SSBP2: variants seen among roughly 807,000 people sequenced by gnomAD.
The protein encoded by SSBP2 is single stranded DNA binding protein 2, also known as single-stranded DNA-binding protein 2.
In SSBP2, 17 loss-of-function variants were observed where a neutral mutation model predicts 61.8. The ratio of observed to expected loss-of-function variants is 0.28; its 90% CI spans 0.19 to 0.41. The LOEUF (loss-of-function observed/expected upper bound fraction) is 0.41, where lower values mean the gene tolerates loss of function less well. Ranked by LOEUF, SSBP2 falls within the 10% of genes least tolerant of loss-of-function variation. The pLI, the probability that SSBP2 is intolerant of heterozygous loss-of-function variation, is 1.00. For synonymous variants in SSBP2, 139 were observed against 141.3 expected (o/e 0.98, Z 0.12); for missense variants, 310 against 458.7 (o/e 0.68, Z 2.96).
At chr5:81,718,489 G>A (rs1472258945) in intron 1 of SSBP2, among the ~76,000 whole-genome samples, 4 of 152,092 alleles carry the variant, frequency 2.6e-5, no homozygotes, top group Admixed American at 6.5e-5. Flanking sequence ...ACCTCCTACC[G>A]GAAGCAGAGG....
chr5:81,711,298 A>G (rs1359616279), intron 1 of SSBP2, among the ~76,000 whole-genome samples: 5 of 152,154 alleles, frequency 3.3e-5, no homozygotes, highest in African/African-American at 1.2e-4. Flanking sequence ...ATTCTGCTCA[A>G]TAAGTTATCA....
chr5:81,622,514 G>C (rs1358908523), intron 3 of SSBP2, among the ~76,000 whole-genome samples: 1 of 152,150 alleles, frequency 6.6e-6, no homozygotes, highest in Non-Finnish European at 1.5e-5. Flanking sequence ...AAACTGATCA[G>C]AAACACAATT....
At chr5:81,693,965 T>C (rs969462281) in intron 1 of SSBP2, among the ~76,000 whole-genome samples, 6 of 152,026 alleles carry the variant, frequency 3.9e-5, no homozygotes, top group Admixed American at 2.6e-4. Flanking sequence ...AAAGAAAATA[T>C]GGTGCATATA....
In SSBP2 at chr5:81,751,018, T is replaced by C; in HGVS notation, c.25A>G (p.Ser9Gly). The change falls in exon 1 of 17, where the codon AGC (serine) becomes GGC (glycine). Residue 9 changes from serine (S) to glycine (G), a missense_variant. Around this residue, in one of 4 missense-constraint regions of SSBP2, gnomAD observed 36 missense variants for 27.0 expected, o/e 1.33. Transcript: ENST00000320672. ...TGGCTGTCGGACGGGACGGCGCTGC[T>C]GTTACTCTTGCCTTTGCCGTACATG... 1 of 1,599,608 alleles carries C rather than the reference T, an allele frequency of 6.3e-7. No individual in the cohort carries two copies. The highest frequency in any genetic ancestry group is 8.5e-7 in the Non-Finnish European group (1 of 1,173,280).
At chr5:81,426,610 T>G (rs192949269) in intron 16 of SSBP2, among the ~76,000 whole-genome samples, 1 of 152,300 alleles carries the variant, frequency 6.6e-6, no homozygotes, top group Admixed American at 6.5e-5. Context: ...AAGAATCTGT[T>G]GTTTGCCATG....
At chr5:81,611,474 A>G (rs1053870321) in intron 4 of SSBP2, among the ~76,000 whole-genome samples, 34 of 152,286 alleles carry the variant, frequency 2.2e-4, no homozygotes, top group African/African-American at 8.2e-4. Flanking sequence ...CTTATTTTCT[A>G]TGATTTCTAC....
chr5:81,690,474 TTC>T (rs1249541369), intron 1 of SSBP2, among the ~76,000 whole-genome samples: 1 of 151,884 alleles, frequency 6.6e-6, no homozygotes. Context: ...CAAAACAGAT[TTC>T]AAGACAAAGA....
At chr5:81,635,705 T>TTAG (rs1193017582) in intron 3 of SSBP2, among the ~76,000 whole-genome samples, 1 of 151,476 alleles carries the variant, frequency 6.6e-6, no homozygotes, top group African/African-American at 2.4e-5. Context: ...TGCCTTAGCC[T>TTAG]CCTGGGTACC....
intron 4 of SSBP2, among the ~76,000 whole-genome samples, chr5:81,598,896 C>T (rs568710839): frequency 1.9e-4 from 29 of 152,270 alleles, no homozygotes; most frequent in Non-Finnish European, 3.4e-4. Flanking sequence ...AGATATGCTT[C>T]CCTCTGGGCT....
At chr5:81,748,649 T>G (rs1581474440) in intron 1 of SSBP2, among the ~76,000 whole-genome samples, 1 of 152,316 alleles carries the variant, frequency 6.6e-6, no homozygotes, top group East Asian at 1.9e-4. Context: ...TATATTTAAG[T>G]TCATAAGGCA....
intron 1 of SSBP2, among the ~76,000 whole-genome samples, chr5:81,709,387 C>G (rs554045214): frequency 6.6e-6 from 1 of 152,002 alleles, no homozygotes; most frequent in Non-Finnish European, 1.5e-5. Flanking sequence ...TTTACCCCTT[C>G]CCCTTTCCTA....
chr5:81,592,606 G>A (rs1009159684), intron 4 of SSBP2, among the ~76,000 whole-genome samples: 15 of 152,174 alleles, frequency 9.9e-5, no homozygotes, highest in African/African-American at 3.6e-4. Flanking sequence ...GGGGCGGACT[G>A]ACACCTTACA....
intron 1 of SSBP2, among the ~76,000 whole-genome samples, chr5:81,661,009 G>T (rs796356250): frequency 1.1e-4 from 16 of 152,148 alleles, no homozygotes; most frequent in African/African-American, 3.1e-4. Flanking sequence ...GCCTGTTGAG[G>T]GGTGGGGGGT....
intron 16 of SSBP2, among the ~76,000 whole-genome samples, chr5:81,425,803 T>C (rs745631343): frequency 6.6e-6 from 1 of 152,186 alleles, no homozygotes; most frequent in African/African-American, 2.4e-5. Flanking sequence ...GCAAGGTTTA[T>C]GACTTTGGGC....
chr5:81,735,905 G>C (rs138172479), intron 1 of SSBP2, among the ~76,000 whole-genome samples: 3 of 152,052 alleles, frequency 2.0e-5, no homozygotes, highest in Admixed American at 6.5e-5. Context: ...ATGACAAAAC[G>C]TATTTATCAA....
intron 2 of SSBP2, among the ~76,000 whole-genome samples, chr5:81,645,657 G>A (rs1749179032): frequency 6.6e-6 from 1 of 152,164 alleles, no homozygotes; most frequent in African/African-American, 2.4e-5. Context: ...AGTAACAAAA[G>A]TTAATGTAGA....
intron 4 of SSBP2, among the ~76,000 whole-genome samples, chr5:81,601,924 T>C (rs769859931): frequency 2.0e-5 from 3 of 152,292 alleles, no homozygotes; most frequent in Middle Eastern, 3.4e-3. Context: ...GACAAGACAA[T>C]TGCAATAGAT....
intron 1 of SSBP2, among the ~76,000 whole-genome samples, chr5:81,654,352 T>C (rs928323183): frequency 1.3e-5 from 2 of 152,234 alleles, no homozygotes; most frequent in Non-Finnish European, 2.9e-5. Flanking sequence ...TAGTACCTTT[T>C]GCTCACCTTG....
intron 1 of SSBP2, among the ~76,000 whole-genome samples, chr5:81,728,148 TTTATTC>T (rs66923874): frequency 0.015 from 2,331 of 152,298 alleles, 31 homozygotes; most frequent in Non-Finnish European, 0.026. Context: ...TAGTCTAAGT[TTTATTC>T]TAAAGGTAAT....
Sources: allele counts gnomAD v4.1 joint callset (sites outside exome capture counted in the v4.1 genomes callset), GRCh38; gene constraint gnomAD v4.1.1; regional missense constraint gnomAD v4.1.1; transcripts MANE v1.5; gene names NCBI Gene and HGNC (gene_info 2026-07-23, HGNC 2026-07-21).